The following TNRC18 variants were observed in gnomAD, a reference collection of about 807,000 sequenced individuals.
The protein encoded by TNRC18 is trinucleotide repeat-containing gene 18 protein.
TNRC18 carries 69 observed loss-of-function variants against 226.7 expected under a neutral mutation model. That is an observed-to-expected ratio of 0.30 (90% confidence interval 0.25 to 0.37). The LOEUF is 0.37. Among genes scored for constraint, TNRC18 ranks in the 10% least tolerant of loss-of-function variants. The pLI is 1.00. For synonymous variants in TNRC18, 2,449 were observed against 1,927.6 expected (o/e 1.27, Z -7.09); for missense variants, 4,754 against 4,256.6 (o/e 1.12, Z -3.25).
intron 9 of TNRC18, 103 bp from the exon 10 acceptor site, chr7:5,374,587 C>G: frequency 8.0e-7 from 1 of 1,242,378 alleles, no homozygotes; most frequent in African/African-American, 1.6e-5. Flanking sequence ...CCGAGGAGAA[C>G]CTCATGCAGG....
rs2128127262 is a variant in TNRC18, at chr7:5,332,705, T to C, written c.6064A>G (p.Lys2022Glu). 6.5e-7 allele frequency: 1 copy of C among 1,529,482 alleles called. No individual in the cohort carries two copies. Among genetic ancestry groups the C allele is most frequent in the Non-Finnish European group, 8.8e-7 (1 of 1,141,970 alleles). The allele number at this position is 1,529,482 out of a possible 1,614,324, so 94.7% of individuals were successfully genotyped here. A position where few individuals can be genotyped will look rare whatever the true frequency, so the allele number is the denominator to read the frequency against. The change falls in exon 19 of 30, where the codon AAG (lysine) becomes GAG (glutamate). Residue 2022 changes from lysine to glutamate, a missense_variant. Coordinates refer to ENST00000430969, the MANE Select transcript of TNRC18 (RefSeq NM_001080495.3). ...CCGCCCTTGGCGCAGCGGCTGGTCT[T>C]GGTGGCGGGCGCGGTGCTGACGGGC... Reference protein sequence around the residue: ...PAPVSTAPATKTSRCAKGGPL... With the variant: ...PAPVSTAPATETSRCAKGGPL...
chr7:5,388,159 C>T lies in TNRC18; in HGVS notation c.1665G>A (p.Gly555=), dbSNP rs1336377353. The change falls in exon 5 of 30, where the codon GGG becomes GGA. Residue 555 remains glycine, a synonymous_variant. Coordinates refer to ENST00000430969, the MANE Select transcript of TNRC18 (RefSeq NM_001080495.3). ...SSSKKAYLDP[G]AVLPRSAATC... ...TGGCCGCCGAGCGGGGCAGCACAGCCCCAGGGTCCAGGTAGGCCTTCTTGG... is the reference window on the plus strand; with the variant it reads ...TGGCCGCCGAGCGGGGCAGCACAGCTCCAGGGTCCAGGTAGGCCTTCTTGG... The T allele has an allele frequency of 1.9e-6, 3 of 1,572,324 alleles. No individual in the cohort carries two copies. The highest frequency in any genetic ancestry group is 1.4e-5 in the African/African-American group (1 of 74,068).
chr7:5,327,758 AAG>A (rs1789085723), intron 19 of TNRC18, among the ~76,000 whole-genome samples: 1 of 152,174 alleles, frequency 6.6e-6, no homozygotes, highest in Non-Finnish European at 1.5e-5. Flanking sequence ...AAAAAACATA[AAG>A]TAAATAAGAA....
chr7:5,359,497 C>A lies in TNRC18; in HGVS notation c.4734G>T (p.Gly1578=). Reference sequence around the variant, plus strand: ...TGAGGGCATCATGTTCCTCCTCAGACCCCTTGTGTCTCTTTCTTATCCCTG... The same window carrying A: ...TGAGGGCATCATGTTCCTCCTCAGAACCCTTGTGTCTCTTTCTTATCCCTG... ...LGAGIRKRHK[G]SEEEHDALIG... Residue 1578 remains glycine (G), a synonymous_variant, in exon 15 of 30, where the codon GGG becomes GGT. Transcript: ENST00000430969. 6.2e-7 allele frequency: 1 copy of A among 1,614,034 alleles called. No individual in the cohort carries two copies. Among genetic ancestry groups the A allele is most frequent in the Non-Finnish European group, 8.5e-7 (1 of 1,179,892 alleles).
chr7:5,354,415 C>G (rs1792134064), intron 16 of TNRC18, among the ~76,000 whole-genome samples: 1 of 151,952 alleles, frequency 6.6e-6, no homozygotes, highest in Admixed American at 6.6e-5. Flanking sequence ...CCCAATCCCT[C>G]AGAAGATCAA....
chr7:5,310,989 G>A (rs117357315), intron 27 of TNRC18, among the ~76,000 whole-genome samples: 2 of 151,690 alleles, frequency 1.3e-5, no homozygotes, highest in South Asian at 2.1e-4. Flanking sequence ...CACGTGCATG[G>A]ATGCACGTGC....
intron 23 of TNRC18, 25 bp downstream of exon 23, chr7:5,320,507 C>G (rs767308782): frequency 1.3e-6 from 2 of 1,592,934 alleles, no homozygotes; most frequent in Non-Finnish European, 1.7e-6. Flanking sequence ...CCGAGCCTCC[C>G]GAGGCCCCGC....
chr7:5,351,438 G>A (rs1294796329), intron 17 of TNRC18, among the ~76,000 whole-genome samples: 9 of 136,636 alleles, frequency 6.6e-5, no homozygotes, highest in African/African-American at 1.3e-4. Flanking sequence ...AAGAGAGCCC[G>A]AACCAAGCCT....
chr7:5,390,747 G>C (rs1029778757), intron 3 of TNRC18, 119 bp from the exon 4 acceptor site: 3 of 1,183,636 alleles, frequency 2.5e-6, no homozygotes, highest in Non-Finnish European at 3.5e-6. Flanking sequence ...GGCGCCTTGA[G>C]GTTTAACAGC....
At chr7:5,396,849 C>A (rs960596223) in intron 2 of TNRC18, among the ~76,000 whole-genome samples, 6 of 152,312 alleles carry the variant, frequency 3.9e-5, no homozygotes, top group African/African-American at 1.4e-4. Context: ...AGTCCAGCCT[C>A]TGAGTCCCCA....
chr7:5,395,618 G>C (rs1780622919), intron 2 of TNRC18, among the ~76,000 whole-genome samples: 1 of 152,250 alleles, frequency 6.6e-6, no homozygotes, highest in Admixed American at 6.5e-5. Flanking sequence ...CCAGGTCTCG[G>C]TTTGCACATC....
chr7:5,336,303 G>C (rs376223969), intron 18 of TNRC18, among the ~76,000 whole-genome samples: 10 of 151,904 alleles, frequency 6.6e-5, no homozygotes, highest in East Asian at 5.8e-4. Context: ...GTGACCCTGA[G>C]ATGAACCACA....
intron 9 of TNRC18, 73 bp from the exon 10 acceptor site, chr7:5,374,557 C>G (rs916817215): frequency 9.0e-6 from 13 of 1,446,260 alleles, no homozygotes; most frequent in Admixed American, 2.3e-5. Flanking sequence ...CCTGCCCTGT[C>G]CCCCCAAGGG....
chr7:5,394,655 G>GCCCACCGCCCCGA lies in TNRC18; in HGVS notation c.188-73_188-61dup. 8 of 1,250,098 alleles carry GCCCACCGCCCCGA rather than the reference G, an allele frequency of 6.4e-6. No individual in the cohort carries two copies. The highest frequency in any genetic ancestry group is 2.8e-4 in the Middle Eastern group (1 of 3,594). The allele number at this position is 1,250,098 out of a possible 1,614,324, so 77.4% of individuals were successfully genotyped here. On this transcript the variant is annotated intron_variant, in intron 2 of 29. Coordinates refer to ENST00000430969, the MANE Select transcript of TNRC18 (RefSeq NM_001080495.3). The surrounding 1 kb of genome is among the most constrained non-coding windows in gnomAD (Gnocchi z 4.5). ...CAACCAGGGAGGCGCCGCCGCCCCA[G>GCCCACCGCCCCGA]CCCACCGCCCCGACCCACCGCCCCG...
chr7:5,417,613 C>A (rs114634665), intron 2 of TNRC18, among the ~76,000 whole-genome samples: 4 of 152,190 alleles, frequency 2.6e-5, no homozygotes, highest in African/African-American at 9.7e-5. Flanking sequence ...GGGACCCGAG[C>A]GGTGCCTGGC....
chr7:5,339,541 ATGTG>A lies in TNRC18; in HGVS notation c.5719+6017_5719+6020del, dbSNP rs71536907. Reference sequence around the variant, plus strand: ...AGGCGCGAGCTATCGTGCCCAGCCAATGTGTGTGTGTGTGTGTGTGTGTGTGTGT... The same window carrying A: ...AGGCGCGAGCTATCGTGCCCAGCCAATGTGTGTGTGTGTGTGTGTGTGTGT... On this transcript the variant is annotated intron_variant, in intron 18 of 29. Coordinates refer to ENST00000430969, the MANE Select transcript of TNRC18 (RefSeq NM_001080495.3). Among the ~76,000 whole-genome samples the A allele has an allele frequency of 6.0e-3, 827 of 137,014 alleles. 5 individuals carry two copies. Among genetic ancestry groups the A allele is most frequent in the Middle Eastern group, 0.016 (4 of 254 alleles). The allele number at this position is 137,014 out of a possible 152,430, so 89.9% of individuals were successfully genotyped here. A position where few individuals can be genotyped will look rare whatever the true frequency, so the allele number is the denominator to read the frequency against.
intron 3 of TNRC18, 66 bp from the exon 4 acceptor site, chr7:5,390,694 GCTCCTGGAAATAAA>G: frequency 7.0e-7 from 1 of 1,438,826 alleles, no homozygotes; most frequent in Non-Finnish European, 9.1e-7. Flanking sequence ...CTTCCTTCCA[GCTCCTGGAAATAAA>G]CTATTTTGGC....
At chr7:5,325,040 C>G in intron 20 of TNRC18, 56 bp downstream of exon 20, 1 of 1,540,128 alleles carries the variant, frequency 6.5e-7, no homozygotes, top group Non-Finnish European at 8.8e-7. Flanking sequence ...CTGCCCTGAC[C>G]ACAGGAGCAT....
rs1181301342 is a variant in TNRC18 at position 5,388,325 on chromosome 7, C to G, written c.1499G>C (p.Arg500Pro). Residue 500 changes from arginine to proline, a missense_variant, in exon 5 of 30, where the codon CGC becomes CCC. Transcript: ENST00000430969. ...ATGCTCAGGGCCGGTGGGCGGGGGG[C>G]GCCCGGGCTCCAGGCCGAAGAGCTT... ...AAKLFGLEPG[R>P]PPPTGPEHKW... 1 of 1,599,510 alleles carries G rather than the reference C, an allele frequency of 6.3e-7. No homozygotes were observed. Among genetic ancestry groups the G allele is most frequent in the Non-Finnish European group, 8.5e-7 (1 of 1,174,698 alleles).
Sources: allele counts gnomAD v4.1 joint callset (sites outside exome capture counted in the v4.1 genomes callset), GRCh38; gene constraint gnomAD v4.1.1; non-coding constraint Gnocchi (gnomAD v3.1); transcripts MANE v1.5; gene names NCBI Gene and HGNC (gene_info 2026-07-23, HGNC 2026-07-21).